The following CCNJL variants were observed in gnomAD, a reference collection of about 807,000 sequenced individuals.
The protein encoded by CCNJL is cyclin-J-like protein.
CCNJL carries 33 observed loss-of-function variants against 33.4 expected under a neutral mutation model. The observed-to-expected ratio is 0.99, with a 90% CI of 0.75 to 1.32. CCNJL has a LOEUF of 1.32. Among genes scored for constraint, CCNJL ranks in the 40% most tolerant of loss-of-function variants. CCNJL has a pLI of 0.00. For missense variants in CCNJL, 512 were observed against 499.7 expected, an observed-to-expected ratio of 1.02 and a Z score of -0.23; for synonymous variants, 227 against 220.9, an observed-to-expected ratio of 1.03 and a Z score of -0.24.
chr5:160,311,662 T>TCAATCTCTCCCATCTC (rs1293785313), intron 2 of CCNJL, among the ~76,000 whole-genome samples, 196 bp downstream of exon 2: 1 of 151,994 alleles, frequency 6.6e-6, no homozygotes, highest in East Asian at 1.9e-4. Context: ...AAAACCAACT[T>TCAATCTCTCCCATCTC]CAATCTCTCC....
chr5:160,315,753 G>A (rs1295448677), upstream of CCNJL, among the ~76,000 whole-genome samples: 1 of 152,142 alleles, frequency 6.6e-6, no homozygotes, highest in Non-Finnish European at 1.5e-5. Flanking sequence ...GAAAAAAAGA[G>A]TGAATGTTAC....
intron 2 of CCNJL, among the ~76,000 whole-genome samples, chr5:160,291,076 G>GAGAAAGAA (rs1398399155): frequency 6.8e-6 from 1 of 146,296 alleles, no homozygotes; most frequent in South Asian, 2.2e-4. Flanking sequence ...GAAAGAGAGA[G>GAGAAAGAA]AGAAAGAAAG....
At chr5:160,294,226 G>A (rs1414301999) in intron 2 of CCNJL, among the ~76,000 whole-genome samples, 4 of 152,178 alleles carry the variant, frequency 2.6e-5, no homozygotes, top group Non-Finnish European at 5.9e-5. Context: ...TCTCTGCCCC[G>A]ATTGCTTCAT....
intron 2 of CCNJL, among the ~76,000 whole-genome samples, chr5:160,300,132 G>C (rs1277330318): frequency 3.9e-5 from 6 of 152,122 alleles, no homozygotes; most frequent in Non-Finnish European, 8.8e-5. Context: ...GCATGGCATG[G>C]GTATCCATGT....
At chr5:160,330,018 C>A (rs1581023460) in intron 1 of CCNJL, among the ~76,000 whole-genome samples, 4 of 152,222 alleles carry the variant, frequency 2.6e-5, no homozygotes, top group Admixed American at 2.6e-4. Context: ...GCCTTGAGAC[C>A]ACAGTGAGGC....
chr5:160,293,771 AG>A (rs1762662174), intron 2 of CCNJL, among the ~76,000 whole-genome samples: 1 of 152,210 alleles, frequency 6.6e-6, no homozygotes, highest in Non-Finnish European at 1.5e-5. Context: ...GCCACACTGC[AG>A]GTGAGTGGTA....
Position 160,318,007 on chromosome 5 carries a change from T to G in CCNJL, n.207-2502A>C, listed in dbSNP as rs1763398040. Among the ~76,000 whole-genome samples the G allele has an allele frequency of 4.0e-5, 6 of 151,796 alleles. No individual in the cohort carries two copies. The South Asian group carries it at 1.2e-3, about 31-fold the overall frequency. On this transcript the variant is annotated intron_variant and non_coding_transcript_variant, in intron 1 of 7. Transcript: ENST00000377503. ...TCTTTCTCTTCACGTAGTCTTCTTT[T>G]TCTTCTTCTTTTTTTGTTTTTTTTT... is the stretch of plus-strand genomic sequence containing the variant.
chr5:160,254,394 C>T (rs924188671), intron 5 of CCNJL: 14 of 629,374 alleles, frequency 2.2e-5, no homozygotes, highest in Non-Finnish European at 4.0e-5. Flanking sequence ...TTTGGGAAAA[C>T]AAAACAATTA....
chr5:160,286,623 G>A (rs796559508), intron 2 of CCNJL, among the ~76,000 whole-genome samples: 21 of 152,108 alleles, frequency 1.4e-4, no homozygotes, highest in African/African-American at 4.8e-4. Flanking sequence ...GGGTGACAGA[G>A]TGAGACTCTG....
chr5:160,333,750 C>T (rs1383112710), intron 1 of CCNJL, among the ~76,000 whole-genome samples: 1 of 152,068 alleles, frequency 6.6e-6, no homozygotes, highest in Non-Finnish European at 1.5e-5. Context: ...ACACCCAAGC[C>T]ACTCTCCTTC....
intron 3 of CCNJL, among the ~76,000 whole-genome samples, chr5:160,267,071 G>A (rs1017842788): frequency 3.3e-5 from 5 of 152,318 alleles, no homozygotes; most frequent in Middle Eastern, 6.8e-3. Context: ...GTAGCAAGAG[G>A]CAGAGAATCC....
At chr5:160,254,048 G>A (rs528849755) in intron 5 of CCNJL, 4 of 468,126 alleles carry the variant, frequency 8.5e-6, no homozygotes, top group South Asian at 1.0e-4. Flanking sequence ...TAGGCTGGCT[G>A]TCCCCACAGC....
intron 1 of CCNJL, among the ~76,000 whole-genome samples, chr5:160,320,552 C>T (rs572094645): frequency 6.6e-6 from 1 of 152,292 alleles, no homozygotes; most frequent in Non-Finnish European, 1.5e-5. Flanking sequence ...CCACACCAGC[C>T]ACAGTGCCAG....
intron 1 of CCNJL, chr5:160,326,633 G>A (rs1345853955): frequency 1.5e-6 from 1 of 673,002 alleles, no homozygotes; most frequent in Non-Finnish European, 2.8e-6. Context: ...TGATAAAGTA[G>A]GTTCTTAGAG....
chr5:160,253,543 C>A lies in CCNJL; in HGVS notation c.999G>T (p.Pro333=). Residue 333 remains proline, a synonymous_variant, in exon 6 of 6, where the codon CCG becomes CCT. Transcript: ENST00000257536. ...TATCCAAGGGCTGCAGCGGTTGGTA[C>A]GGGGTGTGGAGGGATGAGCCTGTAC... is the stretch of plus-strand genomic sequence containing the variant. ...SGSTGSSLHT[P]YQPLQPLDMC... 1 of 1,614,104 alleles carries A rather than the reference C, an allele frequency of 6.2e-7. No homozygotes were observed.
At chr5:160,297,902 T>G (rs959324691) in intron 2 of CCNJL, among the ~76,000 whole-genome samples, 1 of 152,144 alleles carries the variant, frequency 6.6e-6, no homozygotes, top group African/African-American at 2.4e-5. Flanking sequence ...CAGCGCCAAG[T>G]CAACAGCTTT....
intron 3 of CCNJL, among the ~76,000 whole-genome samples, chr5:160,266,641 A>G (rs1164306817): frequency 6.6e-6 from 1 of 152,196 alleles, no homozygotes; most frequent in African/African-American, 2.4e-5. Context: ...AGGTAACATG[A>G]CGGGCATGTG....
At chr5:160,333,499 A>G (rs569936555) in intron 1 of CCNJL, among the ~76,000 whole-genome samples, 2 of 151,902 alleles carry the variant, frequency 1.3e-5, no homozygotes, top group East Asian at 3.9e-4. Flanking sequence ...GCTGAGGTAG[A>G]AGGATTGTTT....
intron 1 of CCNJL, among the ~76,000 whole-genome samples, chr5:160,334,477 T>C (rs2113484467): frequency 6.6e-6 from 1 of 152,338 alleles, no homozygotes; most frequent in Non-Finnish European, 1.5e-5. Flanking sequence ...GGTACCATTA[T>C]AGGTGCCTGA....
Sources: gnomAD v4.1 joint callset for allele counts (sites outside exome capture counted in the v4.1 genomes callset) on GRCh38, gnomAD v4.1.1 for gene constraint, MANE v1.5 for transcripts, NCBI Gene and HGNC (gene_info 2026-07-23, HGNC 2026-07-21) for gene names.